SMURF2: variants seen among roughly 807,000 people sequenced by gnomAD.
SMURF2 encodes the protein E3 ubiquitin-protein ligase SMURF2.
In SMURF2, 48 loss-of-function variants were observed where a neutral mutation model predicts 109.6. The ratio of observed to expected loss-of-function variants is 0.44; its 90% CI spans 0.35 to 0.56. The LOEUF (loss-of-function observed/expected upper bound fraction) is 0.56, where lower values mean the gene tolerates loss of function less well. Ranked by LOEUF, SMURF2 falls within the 20% of genes least tolerant of loss-of-function variation. The probability of loss-of-function intolerance (pLI) is 0.01; values close to 1 mark genes in which losing one functional copy is unlikely to be tolerated. For missense variants in SMURF2, 575 were observed against 909.0 expected (o/e 0.63, Z 4.72); for synonymous variants, 288 against 317.1 (o/e 0.91, Z 0.97).
chr17:64,618,363 C>A (rs1970153827), intron 1 of SMURF2, among the ~76,000 whole-genome samples: 1 of 152,196 alleles, frequency 6.6e-6, no homozygotes, highest in East Asian at 1.9e-4. Flanking sequence ...GTATCTGGTA[C>A]ATAGCAGGCA....
intron 1 of SMURF2, among the ~76,000 whole-genome samples, chr17:64,650,987 T>C (rs1203026174): frequency 6.7e-6 from 1 of 148,616 alleles, no homozygotes; most frequent in East Asian, 2.1e-4. Flanking sequence ...CGAGGTAGGC[T>C]GATCACCTGA....
chr17:64,601,163 G>C (rs1969890262), intron 2 of SMURF2, among the ~76,000 whole-genome samples: 1 of 152,026 alleles, frequency 6.6e-6, no homozygotes, highest in African/African-American at 2.4e-5. Flanking sequence ...GGCTAAAATG[G>C]GAGGATTGCT....
chr17:64,566,658 G>A (rs372799078), intron 10 of SMURF2, among the ~76,000 whole-genome samples: 8 of 125,834 alleles, frequency 6.4e-5, no homozygotes, highest in Non-Finnish European at 9.4e-5. Flanking sequence ...TGCAACCTCC[G>A]CCTCCCAGGG....
rs554442196 is a variant in SMURF2 at position 64,655,786 on chromosome 17, T to C, written c.52+6043A>G. Among the ~76,000 whole-genome samples, 5 of 152,058 alleles carry C rather than the reference T, an allele frequency of 3.3e-5. No individual in the cohort carries two copies. The East Asian group carries it at 7.7e-4, about 24-fold the overall frequency. On this transcript the variant is annotated intron_variant, in intron 1 of 18. Coordinates refer to ENST00000262435, the MANE Select transcript of SMURF2 (RefSeq NM_022739.4). ...GGCATGCACCTGTAATCCCAGCTACTAGGGAGGTTGAGGCAGGAGAATCAC... is the reference window on the plus strand; with the variant it reads ...GGCATGCACCTGTAATCCCAGCTACCAGGGAGGTTGAGGCAGGAGAATCAC...
intron 8 of SMURF2, among the ~76,000 whole-genome samples, chr17:64,578,977 T>A (rs1969538961): frequency 6.6e-6 from 1 of 152,236 alleles, no homozygotes; most frequent in African/African-American, 2.4e-5. Flanking sequence ...AGGTTGATAA[T>A]GCTTATTATG....
At chr17:64,549,231 T>C (rs1480384675) in intron 16 of SMURF2, among the ~76,000 whole-genome samples, 1 of 118,158 alleles carries the variant, frequency 8.5e-6, no homozygotes, top group African/African-American at 3.4e-5. Context: ...TGAGATCCCA[T>C]CAGCCTGGGG....
intron 12 of SMURF2, among the ~76,000 whole-genome samples, chr17:64,560,584 A>G (rs546676927): frequency 2.0e-5 from 3 of 152,184 alleles, no homozygotes; most frequent in Non-Finnish European, 4.4e-5. Context: ...GAACATTTCA[A>G]TACAGAGCTA....
At chr17:64,563,326 T>C (rs149236469) in intron 10 of SMURF2, among the ~76,000 whole-genome samples, 123 of 152,346 alleles carry the variant, frequency 8.1e-4, no homozygotes, top group African/African-American at 2.7e-3. Context: ...TCTTTCTTTC[T>C]GGAAGAGCCA....
Position 64,659,962 on chromosome 17 carries a change from G to T in SMURF2, c.52+1867C>A, listed in dbSNP as rs559753593. 9.2e-5 allele frequency among the ~76,000 whole-genome samples: 14 copies of T among 151,954 alleles called. 1 individual carries two copies. In the South Asian group the frequency reaches 2.7e-3, roughly 29 times the overall value. The stretch of plus-strand genomic sequence containing the variant: ...TGTTTTTACTATTAAGAGGACACAG[G>T]GTATTTAAAATTCCTCAGAAAAACC... On this transcript the variant is annotated intron_variant, in intron 1 of 18. Coordinates refer to ENST00000262435, the MANE Select transcript of SMURF2 (RefSeq NM_022739.4).
intron 10 of SMURF2, among the ~76,000 whole-genome samples, chr17:64,569,146 A>T (rs1969360588): frequency 1.3e-5 from 2 of 151,782 alleles, no homozygotes; most frequent in Admixed American, 6.6e-5. Flanking sequence ...CTAAAAATAC[A>T]AAAATTAGCT....
chr17:64,551,428 A>G (rs1555683587), intron 16 of SMURF2, among the ~76,000 whole-genome samples, 156 bp downstream of exon 16: 1 of 152,210 alleles, frequency 6.6e-6, no homozygotes, highest in Non-Finnish European at 1.5e-5. Flanking sequence ...GGCCTTCAAA[A>G]GCATGAAAGA....
intron 10 of SMURF2, among the ~76,000 whole-genome samples, chr17:64,565,439 G>C (rs1479575153): frequency 6.6e-6 from 1 of 152,190 alleles, no homozygotes; most frequent in East Asian, 1.9e-4. Flanking sequence ...TTGAAATCAA[G>C]TAGATCTGAT....
chr17:64,624,090 G>A (rs1440500411), intron 1 of SMURF2, among the ~76,000 whole-genome samples: 3 of 152,014 alleles, frequency 2.0e-5, no homozygotes, highest in African/African-American at 4.8e-5. Context: ...GAAAGTTACC[G>A]CATGCAAAAA....
At chr17:64,653,663 G>C (rs1309011525) in intron 1 of SMURF2, among the ~76,000 whole-genome samples, 1 of 152,022 alleles carries the variant, frequency 6.6e-6, no homozygotes, top group East Asian at 1.9e-4. Context: ...GCCCAGGCTG[G>C]TCTCAAACTC....
At chr17:64,632,619 A>G (rs1275432514) in intron 1 of SMURF2, among the ~76,000 whole-genome samples, 1 of 152,252 alleles carries the variant, frequency 6.6e-6, no homozygotes, top group African/African-American at 2.4e-5. Context: ...AATGCTTCCT[A>G]TATTCTCTTT....
At chr17:64,623,716 A>G (rs1423401638) in intron 1 of SMURF2, among the ~76,000 whole-genome samples, 1 of 152,242 alleles carries the variant, frequency 6.6e-6, no homozygotes, top group African/African-American at 2.4e-5. Flanking sequence ...CTTGCTATGT[A>G]GAGTTTAAAT....
At position 64,544,528 on chromosome 17, in the gene SMURF2, A is replaced by C. The variant is rs1454828783; in HGVS notation, c.*1320T>G. On this transcript the variant is annotated 3_prime_UTR_variant, in exon 19 of 19. Transcript: ENST00000262435. The stretch of plus-strand genomic sequence containing the variant: ...TCAGATTTTTTCAATCCCTCACCCC[A>C]GAGTTTTCGTTGCTTCTGGATCATT... 2 of 152,204 alleles carry C rather than the reference A, an allele frequency of 1.3e-5. No homozygotes were observed. The highest frequency in any genetic ancestry group is 1.3e-4 in the Admixed American group (2 of 15,286). 9.4% of individuals were successfully genotyped at this position (152,204 alleles called of 1,614,324 possible). A position where few individuals can be genotyped will look rare whatever the true frequency, so the allele number is the denominator to read the frequency against.
chr17:64,545,834 A>C lies in SMURF2; in HGVS notation c.*14T>G, dbSNP rs1555683050. 1.3e-6 allele frequency: 2 copies of C among 1,520,338 alleles called. No homozygotes were observed. Among genetic ancestry groups the C allele is most frequent in the African/African-American group, 1.4e-5 (1 of 72,862 alleles). The allele number at this position is 1,520,338 out of a possible 1,614,324, so 94.2% of individuals were successfully genotyped here. The stretch of plus-strand genomic sequence containing the variant: ...GTTGTATAAATAGAGTCCTGGGTAA[A>C]TCCTTGAAGCTTGTCATTCCACAGC... On this transcript the variant is annotated 3_prime_UTR_variant, in exon 19 of 19. Transcript: ENST00000262435.
chr17:64,583,452 T>C lies in SMURF2; in HGVS notation c.569+9A>G, dbSNP rs781893924. On this transcript the variant is annotated intron_variant, in intron 7 of 18. Coordinates refer to ENST00000262435, the MANE Select transcript of SMURF2 (RefSeq NM_022739.4). ...CATAGATCATGAGAAAATATTTGTA[T>C]GTTCTTACCGTGTTGGGCGCTCCCA... 2 of 1,607,244 alleles carry C rather than the reference T, an allele frequency of 1.2e-6. No individual in the cohort carries two copies. Among genetic ancestry groups the C allele is most frequent in the Non-Finnish European group, 1.7e-6 (2 of 1,173,692 alleles).
Sources: gnomAD v4.1 joint callset for allele counts (sites outside exome capture counted in the v4.1 genomes callset) on GRCh38, gnomAD v4.1.1 for gene constraint, MANE v1.5 for transcripts, NCBI Gene and HGNC (gene_info 2026-07-23, HGNC 2026-07-21) for gene names.